The following CACNG2 variants were observed in gnomAD, a reference collection of about 807,000 sequenced individuals.
CACNG2 encodes the protein calcium voltage-gated channel auxiliary subunit gamma 2.
CACNG2 carries 3 observed loss-of-function variants against 25.9 expected under a neutral mutation model. The ratio of observed to expected loss-of-function variants is 0.12; its 90% CI spans 0.05 to 0.30. The LOEUF (loss-of-function observed/expected upper bound fraction) is 0.30. Ranked by LOEUF, CACNG2 falls within the 10% of genes least tolerant of loss-of-function variation. The probability of loss-of-function intolerance (pLI) is 1.00; values close to 1 mark genes in which losing one functional copy is unlikely to be tolerated. For synonymous variants in CACNG2, 167 were observed against 173.3 expected, an observed-to-expected ratio of 0.96 and a Z score of 0.29; for missense variants, 341 against 432.5, an observed-to-expected ratio of 0.79 and a Z score of 1.88.
intron 1 of CACNG2, among the ~76,000 whole-genome samples, chr22:36,670,644 T>TGTTTA (rs1163246872): frequency 6.6e-6 from 1 of 152,136 alleles, no homozygotes; most frequent in African/African-American, 2.4e-5. Flanking sequence ...TGTTTTGTTT[T>TGTTTA]GTTTTTTGAG....
intron 1 of CACNG2, among the ~76,000 whole-genome samples, chr22:36,689,991 A>T (rs1937248248): frequency 6.6e-6 from 1 of 152,268 alleles, no homozygotes; most frequent in Non-Finnish European, 1.5e-5. Flanking sequence ...GGCCCTGCTC[A>T]GGAATGTGGG....
intron 1 of CACNG2, among the ~76,000 whole-genome samples, chr22:36,660,555 G>A (rs1330129000): frequency 2.6e-5 from 4 of 152,366 alleles, no homozygotes; most frequent in Admixed American, 2.0e-4. Context: ...AGCACACTGC[G>A]CTGAGCTCCC....
At chr22:36,566,285 C>G (rs929360975) in intron 3 of CACNG2, 68 bp downstream of exon 3, 1 of 1,501,026 alleles carries the variant, frequency 6.7e-7, no homozygotes, top group East Asian at 2.3e-5. Context: ...CTGCCAGGCC[C>G]TCGTGGCCCC....
At chr22:36,647,756 A>C (rs1045780330) in intron 1 of CACNG2, among the ~76,000 whole-genome samples, 1 of 152,128 alleles carries the variant, frequency 6.6e-6, no homozygotes, top group Non-Finnish European at 1.5e-5. Flanking sequence ...CTCCCCTTTT[A>C]CATAGTTACC....
intron 1 of CACNG2, among the ~76,000 whole-genome samples, chr22:36,624,008 T>C (rs75311977): frequency 0.037 from 5,610 of 152,176 alleles, 371 homozygotes; most frequent in African/African-American, 0.13. Flanking sequence ...GATTCTAGAC[T>C]GTACAGTTCC....
chr22:36,666,470 T>C (rs1368452388), intron 1 of CACNG2, among the ~76,000 whole-genome samples: 2 of 151,914 alleles, frequency 1.3e-5, no homozygotes, highest in African/African-American at 4.8e-5. Flanking sequence ...CCCAGAATAG[T>C]GACAATCATA....
rs1469106415 is a variant in CACNG2 at position 36,606,903 on chromosome 22, T to C, written c.212-19355A>G. ...TGAGTCTGTGTGTGTGTCTGTGGTG[T>C]GTGTATGCATGTGTGTGTATATGTG... On this transcript the variant is annotated intron_variant, in intron 1 of 3. Coordinates refer to ENST00000300105, the MANE Select transcript of CACNG2 (RefSeq NM_006078.5). This position sits in a 1 kb window ranked among gnomAD's most constrained non-coding sequence, Gnocchi z 5.7. 6.6e-6 allele frequency among the ~76,000 whole-genome samples: 1 copy of C among 151,598 alleles called. No homozygotes were observed. Among genetic ancestry groups the C allele is most frequent in the African/African-American group, 2.4e-5 (1 of 41,224 alleles).
chr22:36,569,720 A>G (rs2145908026), intron 2 of CACNG2, among the ~76,000 whole-genome samples: 1 of 152,206 alleles, frequency 6.6e-6, no homozygotes, highest in East Asian at 1.9e-4. Flanking sequence ...TTGTATTTTT[A>G]GTAGAGATGG....
At chr22:36,673,315 A>G (rs990028252) in intron 1 of CACNG2, among the ~76,000 whole-genome samples, 4 of 152,178 alleles carry the variant, frequency 2.6e-5, no homozygotes, top group African/African-American at 9.7e-5. Flanking sequence ...GGTCCAGCAA[A>G]AGAGAAGAAG....
intron 1 of CACNG2, among the ~76,000 whole-genome samples, chr22:36,678,461 CCT>C (rs1243566635): frequency 1.3e-5 from 2 of 151,982 alleles, no homozygotes; most frequent in African/African-American, 4.8e-5. Flanking sequence ...CTTCTACTAC[CCT>C]CTCTCTACAC....
chr22:36,648,619 G>T (rs908029331), intron 1 of CACNG2, among the ~76,000 whole-genome samples: 1 of 152,144 alleles, frequency 6.6e-6, no homozygotes, highest in Admixed American at 6.6e-5. Context: ...GGGCCCCTGA[G>T]TGAACATCCA....
chr22:36,611,839 C>A (rs548611388), intron 1 of CACNG2, among the ~76,000 whole-genome samples: 6 of 152,146 alleles, frequency 3.9e-5, no homozygotes, highest in Non-Finnish European at 8.8e-5. Flanking sequence ...AAATGATAGC[C>A]GTCTCGGGGA....
At chr22:36,567,049 T>C (rs886640947) in intron 2 of CACNG2, among the ~76,000 whole-genome samples, 21 of 152,300 alleles carry the variant, frequency 1.4e-4, no homozygotes, top group African/African-American at 4.6e-4. Flanking sequence ...AGTGGTTAGG[T>C]GGAACCACGT....
chr22:36,571,500 CAACT>C, intron 2 of CACNG2, among the ~76,000 whole-genome samples: 1 of 151,624 alleles, frequency 6.6e-6, no homozygotes. Flanking sequence ...CTCTTTCCCC[CAACT>C]GAGTCATAAT....
intron 1 of CACNG2, among the ~76,000 whole-genome samples, chr22:36,595,479 A>C (rs1201552858): frequency 6.6e-6 from 1 of 152,214 alleles, no homozygotes; most frequent in Non-Finnish European, 1.5e-5. Context: ...TGATTGTTAA[A>C]CATGTACCAG....
At chr22:36,675,407 T>C (rs540369453) in intron 1 of CACNG2, among the ~76,000 whole-genome samples, 14 of 152,306 alleles carry the variant, frequency 9.2e-5, no homozygotes, top group Middle Eastern at 3.4e-3. Context: ...TCCCCTGTTC[T>C]CCTTTCCTGA....
chr22:36,587,124 G>A (rs1935518588), intron 2 of CACNG2, among the ~76,000 whole-genome samples: 1 of 152,034 alleles, frequency 6.6e-6, no homozygotes, highest in Non-Finnish European at 1.5e-5. Flanking sequence ...TTGGGAGATG[G>A]TTACTCAAAT....
At chr22:36,629,825 G>A (rs1401054195) in intron 1 of CACNG2, among the ~76,000 whole-genome samples, 1 of 152,150 alleles carries the variant, frequency 6.6e-6, no homozygotes, top group African/African-American at 2.4e-5. Flanking sequence ...TATTCTAGGG[G>A]AACAGAGAGT....
Position 36,606,320 on chromosome 22 carries a change from G to A in CACNG2, c.212-18772C>T, listed in dbSNP as rs1935832487. Reference sequence around the variant, plus strand: ...GAACAAGCTGCCATGAGCCAGGCATGGGGCCAAGCACTTTACAACAAGCCT... The same window carrying A: ...GAACAAGCTGCCATGAGCCAGGCATAGGGCCAAGCACTTTACAACAAGCCT... On this transcript the variant is annotated intron_variant, in intron 1 of 3. Coordinates refer to ENST00000300105, the MANE Select transcript of CACNG2 (RefSeq NM_006078.5). The surrounding 1 kb of genome is among the most constrained non-coding windows in gnomAD (Gnocchi z 5.7). Among the ~76,000 whole-genome samples the A allele has an allele frequency of 6.6e-6, 1 of 152,190 alleles. No homozygotes were observed. The highest frequency in any genetic ancestry group is 2.1e-4 in the South Asian group (1 of 4,826).
Sources: allele counts gnomAD v4.1 joint callset (sites outside exome capture counted in the v4.1 genomes callset), GRCh38; gene constraint gnomAD v4.1.1; non-coding constraint Gnocchi (gnomAD v3.1); transcripts MANE v1.5; gene names NCBI Gene and HGNC (gene_info 2026-07-23, HGNC 2026-07-21).